SATL1: variants seen among roughly 807,000 people sequenced by gnomAD.
SATL1 encodes spermidine/spermine N(1)-acetyltransferase-like protein 1.
A neutral mutation model predicts 51.8 loss-of-function variants in SATL1; 47 were observed. The observed-to-expected ratio is 0.91, with a 90% CI of 0.72 to 1.16. SATL1 has a LOEUF of 1.16. SATL1 is among the 50% of genes most tolerant of loss of function. The pLI, the probability that SATL1 is intolerant of heterozygous loss-of-function variation, is 0.00. For missense variants in SATL1, 520 were observed against 526.4 expected (o/e 0.99, Z 0.12); for synonymous variants, 176 against 182.4 (o/e 0.97, Z 0.28).
chrX:85,133,406 G>A (rs908871845), intron 2 of SATL1, among the ~76,000 whole-genome samples: 7 of 112,022 alleles, frequency 6.2e-5, no homozygotes, highest in South Asian at 3.8e-4. Context: ...CTCACAGTTC[G>A]ATCTTGGACT....
intron 2 of SATL1, among the ~76,000 whole-genome samples, chrX:85,126,889 C>T (rs1404838465): frequency 9.3e-6 from 1 of 107,587 alleles, no homozygotes; most frequent in African/African-American, 3.4e-5. Flanking sequence ...TGATATATAC[C>T]ATTATAGGAA....
rs1190225819 is a variant in SATL1, at chrX:85,094,176, C to T, written c.1828G>A (p.Gly610Ser). The T allele has an allele frequency of 2.5e-6, 3 of 1,200,631 alleles. No homozygotes were observed. The highest frequency in any genetic ancestry group is 2.2e-5 in the Admixed American group (1 of 45,912). Residue 610 changes from glycine (G) to serine (S), a missense_variant, in exon 6 of 8, where the codon GGC (glycine) becomes AGC (serine). By Grantham distance (56) the Gly-to-Ser change is moderately conservative (BLOSUM62 0). Transcript: ENST00000644105. ...MYYFTYDSWT[G>S]KVLYLEDFYV... is the part of the protein sequence containing the mutation. ...AAGTCCTCTAGGTAAAGTACCTTGC[C>T]AGTCCATGAGTCGTATGTAAAGTAG...
chrX:85,163,425 G>A (rs1926766602), intron 2 of SATL1, among the ~76,000 whole-genome samples: 1 of 110,794 alleles, frequency 9.0e-6, no homozygotes, highest in Non-Finnish European at 1.9e-5. Flanking sequence ...TTCTCAGCAT[G>A]ACTTTTTCTG....
intron 2 of SATL1, among the ~76,000 whole-genome samples, chrX:85,161,062 C>G (rs958727323): frequency 3.6e-5 from 4 of 111,687 alleles, no homozygotes; most frequent in African/African-American, 1.3e-4. Context: ...TACGGCCAAA[C>G]TAAGCTTAAT....
intron 1 of SATL1, among the ~76,000 whole-genome samples, chrX:85,227,613 A>G (rs1447527277): frequency 1.1e-5 from 1 of 92,442 alleles, no homozygotes; most frequent in Non-Finnish European, 2.4e-5. Flanking sequence ...ACATGTTGAA[A>G]GTCACCAAGG....
rs182369125 is a variant in SATL1 at position 85,157,030 on chromosome X, C to T, written c.-312-47750G>A. On this transcript the variant is annotated intron_variant, in intron 2 of 7. Coordinates refer to ENST00000644105, the MANE Select transcript of SATL1 (RefSeq NM_001367857.2). The stretch of plus-strand genomic sequence containing the variant: ...CATATTAGGCCACAAGTATCAGAAA[C>T]GGCAGCAATGCTTTTATTGTTTTAA... 1.5e-4 allele frequency among the ~76,000 whole-genome samples: 16 copies of T among 106,740 alleles called. No individual in the cohort carries two copies. In the East Asian group the frequency reaches 3.2e-3, roughly 21 times the overall value. The allele number at this position is 106,740 out of a possible 115,157, so 92.7% of individuals were successfully genotyped here.
At position 85,156,813 on chromosome X, in the gene SATL1, TTATATATATATATATATA is replaced by T. The variant is rs71933802; in HGVS notation, c.-312-47551_-312-47534del. Among the ~76,000 whole-genome samples, 476 of 62,214 alleles carry T rather than the reference TTATATATATATATATATA, an allele frequency of 7.7e-3. 6 individuals carry two copies. The highest frequency in any genetic ancestry group is 9.2e-3 in the African/African-American group (114 of 12,378). 54.0% of individuals were successfully genotyped at this position (62,214 alleles called of 115,157 possible). A position where few individuals can be genotyped will look rare whatever the true frequency, so the allele number is the denominator to read the frequency against. The stretch of plus-strand genomic sequence containing the variant: ...TACAAGGATTTGAACCATGTGGAGA[TTATATATATATATATATA>T]TATATATATATATATATATATATAT... On this transcript the variant is annotated intron_variant, in intron 2 of 7. Coordinates refer to ENST00000644105, the MANE Select transcript of SATL1 (RefSeq NM_001367857.2).
chrX:85,103,051 A>G lies in SATL1; in HGVS notation c.1693+813T>C, dbSNP rs371103516. Reference sequence around the variant, plus strand: ...TATTTCTTACTATTTCTTTTAAGCCAACAAAATTACTATTTAGTTAACATT... The same window carrying G: ...TATTTCTTACTATTTCTTTTAAGCCGACAAAATTACTATTTAGTTAACATT... On this transcript the variant is annotated intron_variant, in intron 4 of 7. Coordinates refer to ENST00000644105, the MANE Select transcript of SATL1 (RefSeq NM_001367857.2). Among the ~76,000 whole-genome samples, 16 of 111,660 alleles carry G rather than the reference A, an allele frequency of 1.4e-4. No homozygotes were observed. In the East Asian group the frequency reaches 2.2e-3, roughly 16 times the overall value.
At chrX:85,134,722 AG>A (rs919512600) in intron 2 of SATL1, among the ~76,000 whole-genome samples, 22 of 111,932 alleles carry the variant, frequency 2.0e-4, no homozygotes, top group African/African-American at 7.1e-4. Context: ...AGGTAGTAAA[AG>A]AAGCTTTTAT....
intron 2 of SATL1, among the ~76,000 whole-genome samples, chrX:85,170,220 C>A (rs912662534): frequency 9.0e-6 from 1 of 110,662 alleles, no homozygotes; most frequent in Admixed American, 9.6e-5. Context: ...TACAACAAAC[C>A]CCCATGAGAC....
intron 2 of SATL1, chrX:85,211,106 G>C (rs1042091645): frequency 1.8e-5 from 2 of 111,703 alleles, no homozygotes; most frequent in Non-Finnish European, 3.8e-5. Context: ...AAAGGGCAAT[G>C]AATTATTTTA....
intron 2 of SATL1, among the ~76,000 whole-genome samples, chrX:85,149,969 C>A (rs1409234757): frequency 9.0e-6 from 1 of 111,296 alleles, no homozygotes; most frequent in Admixed American, 9.6e-5. Context: ...AAAATCAGAG[C>A]AGAACTGAAA....
chrX:85,171,079 G>T (rs768553921), intron 2 of SATL1, among the ~76,000 whole-genome samples: 141 of 111,396 alleles, frequency 1.3e-3, no homozygotes, highest in African/African-American at 4.3e-3. Context: ...TAATTTAAAA[G>T]TAAGAAATAC....
intron 2 of SATL1, among the ~76,000 whole-genome samples, chrX:85,116,731 TG>T (rs888506406): frequency 2.7e-5 from 3 of 110,816 alleles, no homozygotes; most frequent in Non-Finnish European, 5.7e-5. Context: ...CCTGGAGGGC[TG>T]GGGGGTCTCT....
Position 85,197,919 on chromosome X carries a change from T to A in SATL1, c.-313+26286A>T, listed in dbSNP as rs187780110. On this transcript the variant is annotated intron_variant, in intron 2 of 7. Coordinates refer to ENST00000644105, the MANE Select transcript of SATL1 (RefSeq NM_001367857.2). Reference sequence around the variant, plus strand: ...TCATTGTTGGACACCAAATACTAGATCTTATTCATTCTATCTAATTATATT... The same window carrying A: ...TCATTGTTGGACACCAAATACTAGAACTTATTCATTCTATCTAATTATATT... Among the ~76,000 whole-genome samples, 9 of 110,423 alleles carry A rather than the reference T, an allele frequency of 8.2e-5. No individual in the cohort carries two copies. In the East Asian group the frequency reaches 2.6e-3, roughly 31 times the overall value.
chrX:85,230,244 T>G (rs761872062), intron 1 of SATL1, among the ~76,000 whole-genome samples: 2 of 111,587 alleles, frequency 1.8e-5, no homozygotes, highest in South Asian at 3.7e-4. Flanking sequence ...TGGAACAGAA[T>G]AGATATCGTA....
chrX:85,200,271 T>G (rs1163078666), intron 2 of SATL1, among the ~76,000 whole-genome samples: 1 of 111,811 alleles, frequency 8.9e-6, no homozygotes, highest in Non-Finnish European at 1.9e-5. Context: ...ATAACATCTA[T>G]GTCTTTTGTA....
intron 1 of SATL1, among the ~76,000 whole-genome samples, chrX:85,240,461 A>G (rs891361320): frequency 9.0e-6 from 1 of 111,618 alleles, no homozygotes; most frequent in African/African-American, 3.3e-5. Flanking sequence ...TTCTACATTT[A>G]CTTCTGGATT....
chrX:85,168,691 T>C (rs1926900848), intron 2 of SATL1, among the ~76,000 whole-genome samples: 1 of 111,843 alleles, frequency 8.9e-6, no homozygotes, highest in Admixed American at 9.5e-5. Context: ...AAAATGGCCA[T>C]ACTTCCCAAA....
Sources: gnomAD v4.1 joint callset for allele counts (sites outside exome capture counted in the v4.1 genomes callset) on GRCh38, gnomAD v4.1.1 for gene constraint, MANE v1.5 for transcripts, NCBI Gene and HGNC (gene_info 2026-07-23, HGNC 2026-07-21) for gene names.